The following NUDT4 variants were observed in gnomAD, a reference collection of about 807,000 sequenced individuals.
NUDT4 encodes diphosphoinositol polyphosphate phosphohydrolase 2.
Under a neutral mutation model 23.1 loss-of-function variants are expected in NUDT4, and 5 were observed. The observed-to-expected ratio is 0.22, with a 90% CI of 0.11 to 0.46. NUDT4 has a LOEUF of 0.46. NUDT4 is among the 20% of genes least tolerant of loss of function. NUDT4 has a pLI of 0.99. For synonymous variants in NUDT4, 50 were observed against 79.0 expected (o/e 0.63, Z 1.95); for missense variants, 96 against 211.6 (o/e 0.45, Z 3.39).
intron 2 of NUDT4, 90 bp downstream of exon 2, chr12:93,394,809 G>C: frequency 1.4e-6 from 1 of 723,482 alleles, no homozygotes; most frequent in South Asian, 1.8e-5. Flanking sequence ...ACGGGTCCAG[G>C]AGTGCTTTTT....
In NUDT4 at chr12:93,378,529, A is replaced by G. The variant is rs898069700; in HGVS notation, c.99+108A>G. On this transcript the variant is annotated intron_variant, in intron 1 of 4. Transcript: ENST00000415493. Reference sequence around the variant, plus strand: ...GCAGGCTGCGGGGCTGGGAGGGATTAGCCCCCTTCCTCCCTCCCTCCTTTC... The same window carrying G: ...GCAGGCTGCGGGGCTGGGAGGGATTGGCCCCCTTCCTCCCTCCCTCCTTTC... 6 of 1,302,016 alleles carry G rather than the reference A, an allele frequency of 4.6e-6. No individual in the cohort carries two copies. The African/African-American group carries it at 7.8e-5, about 17-fold the overall frequency. 80.7% of individuals were successfully genotyped at this position (1,302,016 alleles called of 1,614,324 possible). A position where few individuals can be genotyped will look rare whatever the true frequency, so the allele number is the denominator to read the frequency against.
At chr12:93,384,914 G>A (rs1385414569) in intron 1 of NUDT4, among the ~76,000 whole-genome samples, 2 of 152,118 alleles carry the variant, frequency 1.3e-5, no homozygotes, top group Non-Finnish European at 2.9e-5. Context: ...ATGCCATCAC[G>A]CCTGGCTAAT....
rs1363517576 is a variant in NUDT4, at chr12:93,394,717, G to C, written c.208G>C (p.Glu70Gln). 1 of 1,533,508 alleles carries C rather than the reference G, an allele frequency of 6.5e-7. No individual in the cohort carries two copies. Among genetic ancestry groups the C allele is most frequent in the Non-Finnish European group, 8.9e-7 (1 of 1,129,940 alleles). The allele number at this position is 1,533,508 out of a possible 1,614,324, so 95.0% of individuals were successfully genotyped here. ...GGAAVREVYE[E>Q]AGVKGKLGRL... ...TGCTGCCGTGAGGGAAGTTTATGAG[G>C]AGGTGAGATGTTCTTTCACACAAAT... The change falls in exon 2 of 5, where the codon GAG (glutamate) becomes CAG (glutamine). Residue 70 changes from glutamate to glutamine, a missense_variant and splice_region_variant. Transcript: ENST00000415493.
Position 93,406,425 on chromosome 12 carries a change from C to T in NUDT4, c.*7046C>T, listed in dbSNP as rs1428469202. ...TTTAGGACAGATTTCCTTCCCCATT[C>T]TCCATCAAACAACCATAGCACCTGT... On this transcript the variant is annotated 3_prime_UTR_variant, in exon 5 of 5. Coordinates refer to ENST00000415493, the MANE Select transcript of NUDT4 (RefSeq NM_019094.6). 1.3e-5 allele frequency: 2 copies of T among 151,830 alleles called. No individual in the cohort carries two copies. The highest frequency in any genetic ancestry group is 1.9e-4 in the East Asian group (1 of 5,166). The allele number at this position is 151,830 out of a possible 1,614,324, so 9.4% of individuals were successfully genotyped here. A position where few individuals can be genotyped will look rare whatever the true frequency, so the allele number is the denominator to read the frequency against.
chr12:93,382,106 A>G (rs1875701424), intron 1 of NUDT4, among the ~76,000 whole-genome samples: 1 of 152,088 alleles, frequency 6.6e-6, no homozygotes, highest in Admixed American at 6.6e-5. Flanking sequence ...AAAATACAAA[A>G]TACAAAAAGC....
intron 1 of NUDT4, among the ~76,000 whole-genome samples, chr12:93,384,229 G>A (rs1875901067): frequency 6.6e-6 from 1 of 151,680 alleles, no homozygotes; most frequent in African/African-American, 2.4e-5. Flanking sequence ...GTGCAGTGGT[G>A]CAATCTCAGC....
At position 93,391,646 on chromosome 12, in the gene NUDT4, AG is replaced by A. The variant is rs754886089; in HGVS notation, c.100-2961del. Among the ~76,000 whole-genome samples, 26 of 151,890 alleles carry A rather than the reference AG, an allele frequency of 1.7e-4. No individual in the cohort carries two copies. In the East Asian group the frequency reaches 4.3e-3, roughly 25 times the overall value. ...CAACTGCTCGGGAAGCTGGAGTGAGAGGATCACTTGAGCCCGGGAAGTGAAG... is the reference window on the plus strand; with the variant it reads ...CAACTGCTCGGGAAGCTGGAGTGAGAGATCACTTGAGCCCGGGAAGTGAAG... On this transcript the variant is annotated intron_variant, in intron 1 of 4. Coordinates refer to ENST00000415493, the MANE Select transcript of NUDT4 (RefSeq NM_019094.6).
At chr12:93,382,669 G>A (rs946387486) in intron 1 of NUDT4, among the ~76,000 whole-genome samples, 8 of 124,114 alleles carry the variant, frequency 6.4e-5, no homozygotes, top group Non-Finnish European at 1.0e-4. Context: ...CTATCCAAAG[G>A]TAGCCTTTTT....
At chr12:93,398,363 A>C (rs959063516) in intron 3 of NUDT4, among the ~76,000 whole-genome samples, 2 of 141,852 alleles carry the variant, frequency 1.4e-5, no homozygotes, top group Non-Finnish European at 3.0e-5. Flanking sequence ...AAAAAAAGAA[A>C]AGAACATCAG....
At chr12:93,398,355 A>AAAAAAG (rs1877089624) in intron 3 of NUDT4, among the ~76,000 whole-genome samples, 1 of 150,592 alleles carries the variant, frequency 6.6e-6, no homozygotes, top group East Asian at 1.9e-4. Context: ...AAAAAAAAAA[A>AAAAAAG]AAAAGAAAAG....
intron 1 of NUDT4, among the ~76,000 whole-genome samples, chr12:93,382,628 A>C (rs1426921151): frequency 6.6e-6 from 1 of 151,304 alleles, no homozygotes; most frequent in Non-Finnish European, 1.5e-5. Context: ...TATTTCTTTC[A>C]AATGGAGACC....
chr12:93,386,743 T>C (rs929991287), intron 1 of NUDT4, among the ~76,000 whole-genome samples: 4 of 152,152 alleles, frequency 2.6e-5, no homozygotes, highest in Non-Finnish European at 5.9e-5. Flanking sequence ...CATTATTGAC[T>C]ATACTAGATA....
At chr12:93,394,801 G>A (rs1021702608) in intron 2 of NUDT4, 82 bp downstream of exon 2, 61 of 744,068 alleles carry the variant, frequency 8.2e-5, no homozygotes, top group Middle Eastern at 2.4e-4. Flanking sequence ...ACAGCGAGAC[G>A]GGTCCAGGAG....
chr12:93,382,264 C>CA (rs61019568), intron 1 of NUDT4, among the ~76,000 whole-genome samples: 23,564 of 113,164 alleles, frequency 0.21, 2,277 homozygotes, highest in Middle Eastern at 0.3. Context: ...ACCCTGCCTG[C>CA]AAAAAAAAAA....
chr12:93,382,739 C>T lies in NUDT4; in HGVS notation c.99+4318C>T, dbSNP rs139035979. On this transcript the variant is annotated intron_variant, in intron 1 of 4. Coordinates refer to ENST00000415493, the MANE Select transcript of NUDT4 (RefSeq NM_019094.6). ...TCCTCCAGGCTGGAGTGCAGTGGCG[C>T]GATGTCAGCTTACTGCAAGCTCCGC... Among the ~76,000 whole-genome samples, 23 of 140,350 alleles carry T rather than the reference C, an allele frequency of 1.6e-4. No homozygotes were observed. In the East Asian group the frequency reaches 4.9e-3, roughly 30 times the overall value. 92.1% of individuals were successfully genotyped at this position (140,350 alleles called of 152,430 possible). A position where few individuals can be genotyped will look rare whatever the true frequency, so the allele number is the denominator to read the frequency against.
chr12:93,383,225 C>A (rs1289470850), intron 1 of NUDT4, among the ~76,000 whole-genome samples: 1 of 152,076 alleles, frequency 6.6e-6, no homozygotes, highest in Non-Finnish European at 1.5e-5. Flanking sequence ...ACTTATCTAC[C>A]AATCCCATAT....
intron 1 of NUDT4, among the ~76,000 whole-genome samples, chr12:93,385,939 TTTTATATATATATATATA>T (rs1876037461): frequency 3.6e-5 from 2 of 55,174 alleles, no homozygotes; most frequent in East Asian, 9.1e-4. Context: ...TAGTAAATCT[TTTTATATATATATATATA>T]TATATATATA....
At chr12:93,385,420 GT>G (rs1383572386) in intron 1 of NUDT4, among the ~76,000 whole-genome samples, 3 of 152,176 alleles carry the variant, frequency 2.0e-5, no homozygotes, top group African/African-American at 7.2e-5. Context: ...TATCTGGAAG[GT>G]TGAATGCATC....
rs2121012330 is a variant in NUDT4, at chr12:93,402,918, C to T, written c.*3539C>T. On this transcript the variant is annotated 3_prime_UTR_variant, in exon 5 of 5. Coordinates refer to ENST00000415493, the MANE Select transcript of NUDT4 (RefSeq NM_019094.6). The stretch of plus-strand genomic sequence containing the variant: ...AACTGTAGAATCCTTAAGTCCTGTT[C>T]AAGTGTCACTTCATTTTTTATTAGG... The T allele has an allele frequency of 6.6e-6, 1 of 152,220 alleles. No individual in the cohort carries two copies. The highest frequency in any genetic ancestry group is 2.1e-4 in the South Asian group (1 of 4,814). 9.4% of individuals were successfully genotyped at this position (152,220 alleles called of 1,614,324 possible). A position where few individuals can be genotyped will look rare whatever the true frequency, so the allele number is the denominator to read the frequency against.
Sources: allele counts gnomAD v4.1 joint callset (sites outside exome capture counted in the v4.1 genomes callset), GRCh38; gene constraint gnomAD v4.1.1; transcripts MANE v1.5; gene names NCBI Gene and HGNC (gene_info 2026-07-23, HGNC 2026-07-21).